FBXL7: variants seen among roughly 807,000 people sequenced by gnomAD.
FBXL7 encodes the protein F-box/LRR-repeat protein 7.
A neutral mutation model predicts 38.3 loss-of-function variants in FBXL7; 12 were observed. The observed-to-expected ratio is 0.31, with a 90% CI of 0.20 to 0.51. The LOEUF is 0.51. FBXL7 is among the 20% of genes least tolerant of loss of function. FBXL7 has a pLI of 0.98. For missense variants in FBXL7, 567 were observed against 676.4 expected (o/e 0.84, Z 1.79); for synonymous variants, 297 against 300.9 (o/e 0.99, Z 0.13).
At chr5:15,874,554 G>A (rs149313705) in intron 2 of FBXL7, among the ~76,000 whole-genome samples, 4,913 of 152,250 alleles carry the variant, frequency 0.032, 207 homozygotes, top group Admixed American at 0.12. Context: ...AAGCTGATAA[G>A]CAACTTCAGC....
intron 2 of FBXL7, among the ~76,000 whole-genome samples, chr5:15,892,694 C>A (rs1579578999): frequency 6.6e-6 from 1 of 152,286 alleles, no homozygotes; most frequent in South Asian, 2.1e-4. Context: ...TCAGCTCAAG[C>A]GAAGGAGAAA....
chr5:15,772,323 ACTTGATGTGTC>A (rs1736750274), intron 2 of FBXL7, among the ~76,000 whole-genome samples: 2 of 152,172 alleles, frequency 1.3e-5, no homozygotes, highest in African/African-American at 4.8e-5. Context: ...ACTGTGGAAT[ACTTGATGTGTC>A]AGCAAGAAAG....
chr5:15,762,795 T>C (rs764128081), intron 2 of FBXL7, among the ~76,000 whole-genome samples: 1 of 152,200 alleles, frequency 6.6e-6, no homozygotes, highest in Non-Finnish European at 1.5e-5. Flanking sequence ...ACATTTTGGT[T>C]GAAACATATC....
chr5:15,774,778 C>T (rs1029477091), intron 2 of FBXL7, among the ~76,000 whole-genome samples: 1 of 152,170 alleles, frequency 6.6e-6, no homozygotes, highest in African/African-American at 2.4e-5. Context: ...TTCTGATTCT[C>T]ACTCTTGAAT....
At chr5:15,613,487 A>G (rs917760634) in intron 1 of FBXL7, among the ~76,000 whole-genome samples, 9 of 152,176 alleles carry the variant, frequency 5.9e-5, no homozygotes, top group African/African-American at 1.9e-4. Flanking sequence ...CTCTGAGGGT[A>G]GAGGCTGTGG....
At chr5:15,663,842 G>A (rs757678176) in intron 2 of FBXL7, among the ~76,000 whole-genome samples, 1 of 152,170 alleles carries the variant, frequency 6.6e-6, no homozygotes, top group Non-Finnish European at 1.5e-5. Flanking sequence ...CGAATTTTAA[G>A]TATACCATAC....
chr5:15,596,330 TG>T (rs1204746318), intron 1 of FBXL7, among the ~76,000 whole-genome samples: 5 of 152,216 alleles, frequency 3.3e-5, no homozygotes, highest in African/African-American at 1.2e-4. Flanking sequence ...TTTTAATAGA[TG>T]AGTAATTATT....
intron 2 of FBXL7, among the ~76,000 whole-genome samples, chr5:15,886,332 G>T (rs1740677895): frequency 6.6e-6 from 1 of 152,016 alleles, no homozygotes; most frequent in Admixed American, 6.6e-5. Flanking sequence ...TTTACAGTGA[G>T]AACACAGGCA....
At chr5:15,732,600 A>G (rs1005271183) in intron 2 of FBXL7, among the ~76,000 whole-genome samples, 50 of 152,332 alleles carry the variant, frequency 3.3e-4, no homozygotes, top group Middle Eastern at 6.8e-3. Context: ...AGGAAACTCT[A>G]TTTTAAAGGT....
chr5:15,513,074 T>C (rs1035809514), intron 1 of FBXL7, among the ~76,000 whole-genome samples: 9 of 152,178 alleles, frequency 5.9e-5, no homozygotes, highest in African/African-American at 1.4e-4. Flanking sequence ...TCTGGTGTGA[T>C]TGGAATGGTG....
chr5:15,934,197 G>A (rs1243205688), intron 3 of FBXL7, among the ~76,000 whole-genome samples: 1 of 152,094 alleles, frequency 6.6e-6, no homozygotes, highest in Non-Finnish European at 1.5e-5. Flanking sequence ...TAGAGACGGG[G>A]TTTTGCCATG....
intron 2 of FBXL7, among the ~76,000 whole-genome samples, chr5:15,691,256 G>T (rs1743174902): frequency 6.6e-6 from 1 of 152,190 alleles, no homozygotes; most frequent in Non-Finnish European, 1.5e-5. Context: ...CACACCAAGG[G>T]TTGGCCTAGC....
At chr5:15,779,495 C>T (rs1349655464) in intron 2 of FBXL7, among the ~76,000 whole-genome samples, 1 of 151,702 alleles carries the variant, frequency 6.6e-6, no homozygotes, top group African/African-American at 2.4e-5. Flanking sequence ...TTTTAAAAAG[C>T]TATCAAAAAA....
intron 2 of FBXL7, among the ~76,000 whole-genome samples, chr5:15,663,996 A>G (rs1193017374): frequency 5.9e-5 from 9 of 152,088 alleles, no homozygotes; most frequent in Admixed American, 3.9e-4. Context: ...CCAACTGGCT[A>G]CTTGTTTCCT....
chr5:15,500,859 C>T (rs1736469569), intron 1 of FBXL7, 146 bp downstream of exon 1: 1 of 963,036 alleles, frequency 1.0e-6, no homozygotes, highest in Non-Finnish European at 1.6e-6. Flanking sequence ...TCTCCTTTGG[C>T]AGTGAGTGAC....
chr5:15,679,574 T>G (rs1253812684), intron 2 of FBXL7, among the ~76,000 whole-genome samples: 1 of 151,398 alleles, frequency 6.6e-6, no homozygotes, highest in Admixed American at 6.6e-5. Flanking sequence ...TTTTTTTTTT[T>G]TTTCAGAATG....
At chr5:15,734,785 A>G (rs1735703372) in intron 2 of FBXL7, among the ~76,000 whole-genome samples, 1 of 152,224 alleles carries the variant, frequency 6.6e-6, no homozygotes, top group Non-Finnish European at 1.5e-5. Context: ...TTCAAGGAGC[A>G]CTCATGTAGG....
intron 2 of FBXL7, among the ~76,000 whole-genome samples, chr5:15,831,966 C>T (rs1481719264): frequency 6.6e-6 from 1 of 152,130 alleles, no homozygotes; most frequent in Non-Finnish European, 1.5e-5. Flanking sequence ...CTTCCCATCG[C>T]TGGCCTTCAG....
chr5:15,813,076 A>G (rs1157967549), intron 2 of FBXL7, among the ~76,000 whole-genome samples: 3 of 152,194 alleles, frequency 2.0e-5, no homozygotes, highest in African/African-American at 7.2e-5. Context: ...TCATCTGCAA[A>G]CAGAGATAAT....
Sources: allele counts gnomAD v4.1 joint callset (sites outside exome capture counted in the v4.1 genomes callset), GRCh38; gene constraint gnomAD v4.1.1; transcripts MANE v1.5; gene names NCBI Gene and HGNC (gene_info 2026-07-23, HGNC 2026-07-21).